CSMD1: variants seen among roughly 807,000 people sequenced by gnomAD.
CSMD1 encodes CUB and sushi domain-containing protein 1.
CSMD1 carries 213 observed loss-of-function variants against 417.5 expected under a neutral mutation model. That is an observed-to-expected ratio of 0.51 (90% CI 0.46 to 0.57). The LOEUF (loss-of-function observed/expected upper bound fraction) is 0.57. Ranked by LOEUF, CSMD1 falls within the 20% of genes least tolerant of loss-of-function variation. The pLI, the probability that CSMD1 is intolerant of heterozygous loss-of-function variation, is 0.00. For synonymous variants in CSMD1, 2,862 were observed against 1,736.8 expected, an observed-to-expected ratio of 1.65 and a Z score of -16.11; for missense variants, 6,923 against 4,529.7, an observed-to-expected ratio of 1.53 and a Z score of -15.17.
intron 3 of CSMD1, among the ~76,000 whole-genome samples, chr8:4,169,273 C>G (rs1443897000): frequency 1.3e-5 from 2 of 152,136 alleles, no homozygotes; most frequent in Non-Finnish European, 2.9e-5. Context: ...GTGCCTCAAT[C>G]TTCCTGAGCT....
intron 3 of CSMD1, among the ~76,000 whole-genome samples, chr8:4,152,019 T>G (rs1250731206): frequency 6.6e-6 from 1 of 152,164 alleles, no homozygotes; most frequent in Admixed American, 6.5e-5. Flanking sequence ...GTAATCAATG[T>G]GTTTAGCTCG....
At chr8:3,007,237 CCA>C (rs1358617670) in intron 52 of CSMD1, among the ~76,000 whole-genome samples, 1 of 150,760 alleles carries the variant, frequency 6.6e-6, no homozygotes, top group Non-Finnish European at 1.5e-5. Flanking sequence ...CCATCTCACA[CCA>C]GTTAGAATGG....
At chr8:3,527,919 G>A (rs1797821821) in intron 10 of CSMD1, among the ~76,000 whole-genome samples, 1 of 152,176 alleles carries the variant, frequency 6.6e-6, no homozygotes, top group East Asian at 1.9e-4. Flanking sequence ...AGTCTTGGTT[G>A]TAGGGCAGTT....
intron 1 of CSMD1, among the ~76,000 whole-genome samples, chr8:4,788,982 A>C (rs1255786059): frequency 6.6e-6 from 1 of 152,116 alleles, no homozygotes; most frequent in African/African-American, 2.4e-5. Flanking sequence ...ACAGCACTTA[A>C]ATTCATGGTT....
intron 1 of CSMD1, among the ~76,000 whole-genome samples, chr8:4,966,257 T>C (rs60599438): frequency 0.076 from 11,321 of 148,824 alleles, 534 homozygotes; most frequent in African/African-American, 0.13. Flanking sequence ...CACATGCCTG[T>C]AATCCCAGCT....
intron 2 of CSMD1, among the ~76,000 whole-genome samples, chr8:4,543,409 G>C (rs974537423): frequency 1.3e-5 from 2 of 152,062 alleles, no homozygotes; most frequent in South Asian, 4.1e-4. Context: ...AGCCTTTTCA[G>C]ATTGGCTTAT....
At position 4,223,505 on chromosome 8, in the gene CSMD1, G is replaced by C. The variant is rs139047934; in HGVS notation, c.416-191406C>G. On this transcript the variant is annotated intron_variant, in intron 3 of 69. Coordinates refer to ENST00000635120, the MANE Select transcript of CSMD1 (RefSeq NM_033225.6). ...TAATTGGTAGAGATGATTGCACAGG[G>C]CGTAATCTACCACACCACTGCTCGT... 5.2e-3 allele frequency among the ~76,000 whole-genome samples: 791 copies of C among 152,318 alleles called. 7 individuals carry two copies. The highest frequency in any genetic ancestry group is 0.018 in the African/African-American group (751 of 41,574).
intron 8 of CSMD1, among the ~76,000 whole-genome samples, chr8:3,590,740 C>T (rs1045581342): frequency 1.2e-4 from 18 of 152,144 alleles, no homozygotes; most frequent in African/African-American, 4.3e-4. Context: ...TGGGTAAACG[C>T]CATTCCAGCA....
intron 3 of CSMD1, among the ~76,000 whole-genome samples, chr8:4,037,289 C>CT: frequency 6.6e-6 from 1 of 152,222 alleles, no homozygotes; most frequent in Non-Finnish European, 1.5e-5. Context: ...GAAAATTGGT[C>CT]TTGTCTTACA....
intron 2 of CSMD1, among the ~76,000 whole-genome samples, chr8:4,502,367 C>G (rs149875287): frequency 6.6e-6 from 1 of 152,108 alleles, no homozygotes. Context: ...CTACTGCAGT[C>G]TCTGGCATAT....
intron 7 of CSMD1, among the ~76,000 whole-genome samples, chr8:3,682,828 G>A (rs149003652): frequency 0.13 from 20,486 of 152,174 alleles, 1,671 homozygotes; most frequent in South Asian, 0.21. Flanking sequence ...TTAAGAAAAT[G>A]TGGCACATAT....
chr8:4,161,798 T>A (rs1203604028), intron 3 of CSMD1, among the ~76,000 whole-genome samples: 1 of 152,164 alleles, frequency 6.6e-6, no homozygotes, highest in Non-Finnish European at 1.5e-5. Flanking sequence ...AGAAACAAAA[T>A]TTGTTCATTT....
chr8:4,484,523 A>G (rs1801266145), intron 2 of CSMD1, among the ~76,000 whole-genome samples: 1 of 152,104 alleles, frequency 6.6e-6, no homozygotes, highest in Non-Finnish European at 1.5e-5. Flanking sequence ...TGGTAAGTCC[A>G]TCTCACAACA....
chr8:3,356,420 T>A (rs961397254), intron 21 of CSMD1, among the ~76,000 whole-genome samples: 2 of 152,200 alleles, frequency 1.3e-5, no homozygotes, highest in Non-Finnish European at 2.9e-5. Context: ...CTCACGCCTG[T>A]AATCCCAGCA....
chr8:3,729,832 G>C lies in CSMD1; in HGVS notation c.932-21341C>G, dbSNP rs367857872. Among the ~76,000 whole-genome samples, 220 of 148,938 alleles carry C rather than the reference G, an allele frequency of 1.5e-3. 1 individual carries two copies. The highest frequency in any genetic ancestry group is 5.3e-3 in the African/African-American group (210 of 39,640). Reference sequence around the variant, plus strand: ...ATTCTACAGCATATTTATAAACAAGGCACCTTGCATATTCCATGTATTGAA... The same window carrying C: ...ATTCTACAGCATATTTATAAACAAGCCACCTTGCATATTCCATGTATTGAA... On this transcript the variant is annotated intron_variant, in intron 6 of 69. Transcript: ENST00000635120.
intron 5 of CSMD1, among the ~76,000 whole-genome samples, chr8:3,841,693 A>G (rs911907444): frequency 1.3e-5 from 2 of 152,196 alleles, no homozygotes; most frequent in Non-Finnish European, 2.9e-5. Flanking sequence ...TTTAGAACCT[A>G]GTGATTATAA....
chr8:4,697,534 C>G (rs886128391), intron 1 of CSMD1, among the ~76,000 whole-genome samples: 8 of 152,032 alleles, frequency 5.3e-5, no homozygotes, highest in Admixed American at 5.2e-4. Context: ...ATTGTTTACT[C>G]AATTGGGGAA....
intron 7 of CSMD1, among the ~76,000 whole-genome samples, chr8:3,639,956 G>T (rs1797225326): frequency 6.6e-6 from 1 of 152,178 alleles, no homozygotes; most frequent in Admixed American, 6.5e-5. Context: ...TATTTATCTT[G>T]TTCACTATTT....
At chr8:3,418,787 C>A (rs1269903988) in intron 12 of CSMD1, among the ~76,000 whole-genome samples, 2 of 151,898 alleles carry the variant, frequency 1.3e-5, no homozygotes, top group African/African-American at 2.4e-5. Flanking sequence ...TAATGTCAGA[C>A]CATAGTAGGA....
Sources: gnomAD v4.1 joint callset for allele counts (sites outside exome capture counted in the v4.1 genomes callset) on GRCh38, gnomAD v4.1.1 for gene constraint, MANE v1.5 for transcripts, NCBI Gene and HGNC (gene_info 2026-07-23, HGNC 2026-07-21) for gene names.